The following FRMPD4 variants were observed in gnomAD, a reference collection of about 807,000 sequenced individuals.
The protein encoded by FRMPD4 is FERM and PDZ domain-containing protein 4.
A neutral mutation model predicts 94.1 loss-of-function variants in FRMPD4; 22 were observed. The observed-to-expected ratio is 0.23, with a 90% CI of 0.17 to 0.33. The LOEUF (loss-of-function observed/expected upper bound fraction) is 0.33. Ranked by LOEUF, FRMPD4 falls within the 10% of genes least tolerant of loss-of-function variation. The pLI is 1.00. For missense variants in FRMPD4, 1,111 were observed against 1,339.9 expected, an observed-to-expected ratio of 0.83 and a Z score of 2.67; for synonymous variants, 631 against 548.6, an observed-to-expected ratio of 1.15 and a Z score of -2.10.
chrX:12,446,504 T>A (rs2148129486), intron 1 of FRMPD4, among the ~76,000 whole-genome samples: 1 of 112,167 alleles, frequency 8.9e-6, no homozygotes, highest in East Asian at 2.8e-4. Flanking sequence ...TCATCTTGAA[T>A]TGTAGCACCC....
intron 6 of FRMPD4, among the ~76,000 whole-genome samples, chrX:12,684,209 C>G (rs1235365376): frequency 1.8e-5 from 2 of 112,325 alleles, no homozygotes; most frequent in Non-Finnish European, 3.8e-5. Flanking sequence ...GATGTTTTGA[C>G]TTTTTCTCCC....
At chrX:12,395,198 T>G (rs2056527014) in intron 1 of FRMPD4, among the ~76,000 whole-genome samples, 1 of 112,228 alleles carries the variant, frequency 8.9e-6, no homozygotes, top group Non-Finnish European at 1.9e-5. Context: ...ACCAGCAGAT[T>G]ACAGTCCCAG....
intron 3 of FRMPD4, among the ~76,000 whole-genome samples, chrX:12,121,690 G>A (rs985278644): frequency 9.8e-5 from 11 of 111,723 alleles, no homozygotes; most frequent in African/African-American, 3.6e-4. Context: ...ACAAGATAAA[G>A]CTGAACTGTG....
intron 1 of FRMPD4, among the ~76,000 whole-genome samples, chrX:12,447,652 A>G: frequency 8.9e-6 from 1 of 111,864 alleles, no homozygotes; most frequent in Non-Finnish European, 1.9e-5. Flanking sequence ...GTGGTTAGTC[A>G]TTTTACAGCC....
chrX:11,846,818 G>A (rs1386467278), intron 1 of FRMPD4, among the ~76,000 whole-genome samples: 1 of 110,728 alleles, frequency 9.0e-6, no homozygotes. Flanking sequence ...TGGGAAAACT[G>A]GCTAGCCATA....
At chrX:12,415,565 G>C (rs1347843059) in intron 1 of FRMPD4, among the ~76,000 whole-genome samples, 1 of 111,616 alleles carries the variant, frequency 9.0e-6, no homozygotes, top group Admixed American at 9.5e-5. Flanking sequence ...TAATAGGGGG[G>C]ATGAGATTGA....
chrX:12,619,936 G>GGCAGGCCTACTGACACCATCTA (rs2059272327), intron 4 of FRMPD4, among the ~76,000 whole-genome samples: 1 of 112,508 alleles, frequency 8.9e-6, no homozygotes, highest in Non-Finnish European at 1.9e-5. Context: ...TGCCCACCCA[G>GGCAGGCCTACTGACACCATCTA]GGACACCCTG....
At chrX:11,960,805 A>G (rs2054279789) in intron 3 of FRMPD4, among the ~76,000 whole-genome samples, 1 of 111,816 alleles carries the variant, frequency 8.9e-6, no homozygotes. Context: ...TATCCTCACA[A>G]CCTGGCACAA....
chrX:12,065,623 T>C (rs961673591), intron 3 of FRMPD4, among the ~76,000 whole-genome samples: 1 of 112,042 alleles, frequency 8.9e-6, no homozygotes, highest in African/African-American at 3.2e-5. Flanking sequence ...GTCTGCCTAC[T>C]GTGGCTGTTC....
At chrX:12,126,959 T>C (rs770494603) in intron 3 of FRMPD4, among the ~76,000 whole-genome samples, 1 of 109,962 alleles carries the variant, frequency 9.1e-6, no homozygotes, top group South Asian at 3.8e-4. Context: ...TAACTGCCCC[T>C]ACAAGTCTTT....
chrX:12,088,702 T>G (rs906549549), intron 3 of FRMPD4, among the ~76,000 whole-genome samples: 1 of 112,163 alleles, frequency 8.9e-6, no homozygotes, highest in African/African-American at 3.2e-5. Flanking sequence ...AATAGTAACT[T>G]TTGTTACTTA....
At chrX:12,509,378 T>G (rs1355911734) in intron 2 of FRMPD4, among the ~76,000 whole-genome samples, 1 of 112,086 alleles carries the variant, frequency 8.9e-6, no homozygotes, top group Non-Finnish European at 1.9e-5. Flanking sequence ...TTGGTGTATA[T>G]ATATACGATG....
chrX:12,270,412 A>G (rs1005641334), intron 1 of FRMPD4, among the ~76,000 whole-genome samples: 2 of 111,790 alleles, frequency 1.8e-5, no homozygotes, highest in African/African-American at 6.5e-5. Flanking sequence ...TCAGTTTGTT[A>G]ATTTCCCTTA....
At chrX:11,901,866 T>C (rs1384758421) in intron 3 of FRMPD4, among the ~76,000 whole-genome samples, 1 of 112,218 alleles carries the variant, frequency 8.9e-6, no homozygotes, top group Non-Finnish European at 1.9e-5. Flanking sequence ...GTGAACATTT[T>C]TTCATATGTT....
intron 1 of FRMPD4, among the ~76,000 whole-genome samples, chrX:12,192,244 C>G (rs2056501325): frequency 1.8e-5 from 2 of 111,613 alleles, no homozygotes; most frequent in African/African-American, 6.5e-5. Context: ...ATTCCTCAAA[C>G]TGGGGCTCAG....
At chrX:11,850,881 G>T (rs972001749) in intron 1 of FRMPD4, among the ~76,000 whole-genome samples, 3 of 112,041 alleles carry the variant, frequency 2.7e-5, no homozygotes, top group Non-Finnish European at 5.6e-5. Context: ...TCTGGAGACT[G>T]GTTCCACAAT....
At chrX:12,200,737 A>G (rs1338943209) in intron 1 of FRMPD4, among the ~76,000 whole-genome samples, 3 of 112,495 alleles carry the variant, frequency 2.7e-5, no homozygotes, top group African/African-American at 9.7e-5. Flanking sequence ...CAAACAAGGT[A>G]GACTCATGAT....
intron 2 of FRMPD4, among the ~76,000 whole-genome samples, chrX:12,517,032 G>A (rs749070831): frequency 9.3e-6 from 1 of 107,812 alleles, no homozygotes; most frequent in Admixed American, 1.0e-4. Flanking sequence ...TGAAGTTCTT[G>A]TGTTGTGTTT....
chrX:11,946,404 G>A (rs1164908199), intron 3 of FRMPD4, among the ~76,000 whole-genome samples: 2 of 111,253 alleles, frequency 1.8e-5, no homozygotes, highest in Non-Finnish European at 3.8e-5. Context: ...AGGTATGATC[G>A]TGTGACTTGA....
Sources: gnomAD v4.1 joint callset for allele counts (sites outside exome capture counted in the v4.1 genomes callset) on GRCh38, gnomAD v4.1.1 for gene constraint, MANE v1.5 for transcripts, NCBI Gene and HGNC (gene_info 2026-07-23, HGNC 2026-07-21) for gene names.